The following PCDHGB4 variants were observed in gnomAD, a reference collection of about 807,000 sequenced individuals.
The protein encoded by PCDHGB4 is protocadherin gamma-B4.
In PCDHGB4, 38 loss-of-function variants were observed where a neutral mutation model predicts 60.5. That is an observed-to-expected ratio of 0.63 (90% confidence interval 0.48 to 0.82). PCDHGB4 has a LOEUF of 0.82. PCDHGB4 is among the 40% of genes least tolerant of loss of function. The pLI is 0.00. For missense variants in PCDHGB4, 1,109 were observed against 1,209.6 expected (o/e 0.92, Z 1.23); for synonymous variants, 456 against 509.7 (o/e 0.89, Z 1.42).
intron 1 of PCDHGB4, among the ~76,000 whole-genome samples, chr5:141,494,039 G>A (rs901795348): frequency 2.0e-5 from 3 of 152,144 alleles, no homozygotes; most frequent in Non-Finnish European, 4.4e-5. Context: ...GACTTAGTTG[G>A]CCCTGCTTGG....
intron 1 of PCDHGB4, chr5:141,410,177 A>C (rs2095365763): frequency 1.2e-6 from 2 of 1,613,626 alleles, no homozygotes; most frequent in Non-Finnish European, 1.7e-6. Flanking sequence ...TGCCACCGCC[A>C]CGCTTCATCT....
intron 1 of PCDHGB4, among the ~76,000 whole-genome samples, chr5:141,438,620 A>G (rs2098023964): frequency 1.0e-4 from 4 of 39,044 alleles, no homozygotes; most frequent in African/African-American, 8.0e-4. Flanking sequence ...ATATATATAT[A>G]TATATATATA....
chr5:141,422,549 TGAA>T (rs1554114956), intron 1 of PCDHGB4: 8 of 1,614,026 alleles, frequency 5.0e-6, no homozygotes, highest in Non-Finnish European at 6.8e-6. Flanking sequence ...CATGTCTGGC[TGAA>T]TGTGGCAGAT....
chr5:141,448,894 G>A (rs2098614669), intron 1 of PCDHGB4, among the ~76,000 whole-genome samples: 2 of 152,098 alleles, frequency 1.3e-5, no homozygotes, highest in South Asian at 4.1e-4. Context: ...GCAGTGAGCC[G>A]AGATCGTGCC....
At chr5:141,399,621 C>G (rs757586675) in intron 1 of PCDHGB4, 1 of 1,613,948 alleles carries the variant, frequency 6.2e-7, no homozygotes. Context: ...TGGCACTGGC[C>G]TCTTACGTGT....
At chr5:141,478,088 A>G (rs2099429877) in intron 1 of PCDHGB4, 2 of 1,613,944 alleles carry the variant, frequency 1.2e-6, no homozygotes, top group African/African-American at 1.3e-5. Context: ...TTCGCTCTCC[A>G]CCACTGCTAC....
chr5:141,497,125 G>A (rs968031174), intron 2 of PCDHGB4, among the ~76,000 whole-genome samples: 1 of 152,094 alleles, frequency 6.6e-6, no homozygotes, highest in South Asian at 2.1e-4. Context: ...GGCAGAGGTT[G>A]CAGTGAGCTG....
At chr5:141,413,805 C>T (rs772637762) in intron 1 of PCDHGB4, 1 of 1,613,166 alleles carries the variant, frequency 6.2e-7, no homozygotes, top group South Asian at 1.1e-5. Flanking sequence ...AGGAAGAGGC[C>T]ATTCACCACC....
chr5:141,399,314 A>G, intron 1 of PCDHGB4: 1 of 1,613,988 alleles, frequency 6.2e-7, no homozygotes, highest in African/African-American at 1.3e-5. Flanking sequence ...TCATCCAAAA[A>G]TTCGTATAAG....
Position 141,490,820 on chromosome 5 carries a change from T to G in PCDHGB4, c.2398-3987T>G. On this transcript the variant is annotated intron_variant, in intron 1 of 3. Transcript: ENST00000519479. The surrounding 1 kb of genome is among the most constrained non-coding windows in gnomAD (Gnocchi z 5.4). ...CAGCGTACCTTTGACTATGAATTGC[T>G]GCAGATGCTGCAGATTGTGGTGGGG... 6.2e-7 allele frequency: 1 copy of G among 1,613,820 alleles called. No homozygotes were observed. Among genetic ancestry groups the G allele is most frequent in the Non-Finnish European group, 8.5e-7 (1 of 1,179,768 alleles).
rs375516156 is a variant in PCDHGB4 at position 141,510,311 on chromosome 5, C to G, written c.2546-636C>G. Among the ~76,000 whole-genome samples, 70 of 151,056 alleles carry G rather than the reference C, an allele frequency of 4.6e-4. No homozygotes were observed. The South Asian group carries it at 0.014, about 31-fold the overall frequency. On this transcript the variant is annotated intron_variant, in intron 3 of 3. Transcript: ENST00000519479. The stretch of plus-strand genomic sequence containing the variant: ...AAAAAATGCTGTTTTGAAATGGAGG[C>G]TTGGAAGAGCACTCTTCACCCCCAC...
chr5:141,489,290 G>A lies in PCDHGB4; in HGVS notation c.2398-5517G>A. 6.3e-7 allele frequency: 1 copy of A among 1,577,514 alleles called. No individual in the cohort carries two copies. The highest frequency in any genetic ancestry group is 8.6e-7 in the Non-Finnish European group (1 of 1,162,002). ...CTCGCTGGGAAATGGCAAGTGCTGT[G>A]CATGTTGTCCTTGTGCTGCTGGGGC... On this transcript the variant is annotated intron_variant, in intron 1 of 3. Transcript: ENST00000519479. This position sits in a 1 kb window ranked among gnomAD's most constrained non-coding sequence, Gnocchi z 4.5.
Position 141,487,506 on chromosome 5 carries a change from C to T in PCDHGB4, c.2398-7301C>T. 1 of 1,614,220 alleles carries T rather than the reference C, an allele frequency of 6.2e-7. No homozygotes were observed. The highest frequency in any genetic ancestry group is 8.5e-7 in the Non-Finnish European group (1 of 1,180,046). On this transcript the variant is annotated intron_variant, in intron 1 of 3. Coordinates refer to ENST00000519479, the MANE Select transcript of PCDHGB4 (RefSeq NM_003736.4). The surrounding 1 kb of genome is among the most constrained non-coding windows in gnomAD (Gnocchi z 5.0). ...CATGGCTGTACACCCTTGGCTTCTG[C>T]ACCCACTCGGAGTGATAGCTTCATG...
chr5:141,485,380 G>A lies in PCDHGB4; in HGVS notation c.2398-9427G>A. The A allele has an allele frequency of 1.9e-6, 3 of 1,614,146 alleles. No individual in the cohort carries two copies. The highest frequency in any genetic ancestry group is 2.5e-6 in the Non-Finnish European group (3 of 1,180,032). On this transcript the variant is annotated intron_variant, in intron 1 of 3. Coordinates refer to ENST00000519479, the MANE Select transcript of PCDHGB4 (RefSeq NM_003736.4). This position sits in a 1 kb window ranked among gnomAD's most constrained non-coding sequence, Gnocchi z 5.7. ...CTCGCAGGCTGCAGGTCGCTGGAGA[G>A]GTGAACCAAAGACACTTCCGTGTGG... is the stretch of plus-strand genomic sequence containing the variant.
At chr5:141,495,153 T>G (rs2154591630) in intron 2 of PCDHGB4, among the ~76,000 whole-genome samples, 1 of 152,290 alleles carries the variant, frequency 6.6e-6, no homozygotes, top group East Asian at 1.9e-4. Flanking sequence ...AGGATGGTCT[T>G]AAGCTGGTCT....
chr5:141,403,242 C>A, intron 1 of PCDHGB4: 1 of 1,613,932 alleles, frequency 6.2e-7, no homozygotes, highest in Non-Finnish European at 8.5e-7. Flanking sequence ...GAGCTCTGTG[C>A]TCAGAGCCCG....
chr5:141,470,869 T>C (rs1215083835), intron 1 of PCDHGB4, among the ~76,000 whole-genome samples: 1 of 151,910 alleles, frequency 6.6e-6, no homozygotes, highest in African/African-American at 2.4e-5. Context: ...TTTGTTTGTT[T>C]GTTTTTTTGT....
chr5:141,419,220 A>G (rs2096345873), intron 1 of PCDHGB4: 1 of 1,613,966 alleles, frequency 6.2e-7, no homozygotes, highest in Non-Finnish European at 8.5e-7. Context: ...GTTTTCGGAC[A>G]GTCAGCCTAC....
chr5:141,390,867 C>CGTGTGTGT (rs61319619), intron 1 of PCDHGB4: 11 of 151,144 alleles, frequency 7.3e-5, no homozygotes, highest in African/African-American at 2.7e-4. Flanking sequence ...GCTGTGTGTG[C>CGTGTGTGT]GTGTGTGTGT....
Sources: gnomAD v4.1 joint callset for allele counts (sites outside exome capture counted in the v4.1 genomes callset) on GRCh38, gnomAD v4.1.1 for gene constraint, Gnocchi (gnomAD v3.1) non-coding constraint, MANE v1.5 for transcripts, NCBI Gene and HGNC (gene_info 2026-07-23, HGNC 2026-07-21) for gene names.